The following SGCZ variants were observed in gnomAD, a reference collection of about 807,000 sequenced individuals.
SGCZ encodes the protein sarcoglycan zeta, also known as zeta-sarcoglycan.
A neutral mutation model predicts 41.3 loss-of-function variants in SGCZ; 40 were observed. The observed-to-expected ratio is 0.97, with a 90% CI of 0.75 to 1.26. The LOEUF is 1.26. SGCZ is among the 50% of genes most tolerant of loss of function. The pLI is 0.00. For missense variants in SGCZ, 552 were observed against 369.8 expected, an observed-to-expected ratio of 1.49 and a Z score of -4.04; for synonymous variants, 206 against 137.5, an observed-to-expected ratio of 1.50 and a Z score of -3.49.
At chr8:14,694,939 A>G (rs1443565422) in intron 1 of SGCZ, among the ~76,000 whole-genome samples, 1 of 152,180 alleles carries the variant, frequency 6.6e-6, no homozygotes, top group Non-Finnish European at 1.5e-5. Flanking sequence ...TATAAAATGA[A>G]AAGAAAAAAA....
At chr8:14,624,569 T>A (rs1214638774) in intron 1 of SGCZ, among the ~76,000 whole-genome samples, 2,841 of 123,856 alleles carry the variant, frequency 0.023, 74 homozygotes, top group South Asian at 0.053. Context: ...TTTTTTTTTT[T>A]TTTTTTTTTT....
At chr8:15,165,527 T>C (rs542232730) in intron 1 of SGCZ, among the ~76,000 whole-genome samples, 2 of 152,184 alleles carry the variant, frequency 1.3e-5, no homozygotes, top group African/African-American at 4.8e-5. Context: ...TGGGGACATA[T>C]GGAACTAACT....
At chr8:14,425,458 T>C (rs1272601307) in intron 2 of SGCZ, among the ~76,000 whole-genome samples, 2 of 151,824 alleles carry the variant, frequency 1.3e-5, no homozygotes, top group Non-Finnish European at 2.9e-5. Flanking sequence ...CCATCTCTAC[T>C]AAAAATACAA....
chr8:15,141,819 T>C (rs1808331139), intron 1 of SGCZ, among the ~76,000 whole-genome samples: 1 of 151,616 alleles, frequency 6.6e-6, no homozygotes, highest in African/African-American at 2.4e-5. Context: ...GAGAACCACT[T>C]GAACCCAGGA....
chr8:15,222,131 T>C (rs1453640014), intron 1 of SGCZ, among the ~76,000 whole-genome samples: 2 of 152,238 alleles, frequency 1.3e-5, no homozygotes, highest in African/African-American at 4.8e-5. Context: ...AAGAGGGCTT[T>C]GTAAAAATTA....
At chr8:14,452,975 C>T (rs1457641772) in intron 2 of SGCZ, among the ~76,000 whole-genome samples, 2 of 151,956 alleles carry the variant, frequency 1.3e-5, no homozygotes, top group Non-Finnish European at 2.9e-5. Flanking sequence ...TGATAGCACA[C>T]ACCTGTAATC....
chr8:14,630,304 C>T (rs1319032808), intron 1 of SGCZ, among the ~76,000 whole-genome samples: 1 of 151,812 alleles, frequency 6.6e-6, no homozygotes, highest in Non-Finnish European at 1.5e-5. Flanking sequence ...AAATGCTTGC[C>T]TCTAGTGGGC....
At chr8:14,184,412 T>C (rs938487944) in intron 4 of SGCZ, among the ~76,000 whole-genome samples, 1 of 152,192 alleles carries the variant, frequency 6.6e-6, no homozygotes, top group African/African-American at 2.4e-5. Context: ...AGAGTATTAA[T>C]TATCAATCAA....
At chr8:14,618,864 C>T (rs908003198) in intron 1 of SGCZ, among the ~76,000 whole-genome samples, 1 of 152,056 alleles carries the variant, frequency 6.6e-6, no homozygotes, top group African/African-American at 2.4e-5. Context: ...AAAAAGATAA[C>T]ACCAATATTT....
At chr8:14,315,886 T>C (rs1273417837) in intron 3 of SGCZ, among the ~76,000 whole-genome samples, 4 of 151,042 alleles carry the variant, frequency 2.6e-5, no homozygotes, top group Non-Finnish European at 4.4e-5. Flanking sequence ...TTCAGAATAT[T>C]TAAATAAAAA....
intron 1 of SGCZ, among the ~76,000 whole-genome samples, chr8:15,122,155 C>A (rs956801498): frequency 1.3e-5 from 2 of 150,548 alleles, no homozygotes; most frequent in South Asian, 2.1e-4. Context: ...ATATCATGGA[C>A]ATACTCAACC....
At chr8:14,629,389 T>G (rs1045644196) in intron 1 of SGCZ, among the ~76,000 whole-genome samples, 1 of 152,036 alleles carries the variant, frequency 6.6e-6, no homozygotes, top group Non-Finnish European at 1.5e-5. Context: ...AAATAAAGAA[T>G]AATGAATACA....
intron 1 of SGCZ, among the ~76,000 whole-genome samples, chr8:15,082,284 G>C (rs1466157435): frequency 6.6e-6 from 1 of 151,994 alleles, no homozygotes; most frequent in African/African-American, 2.4e-5. Flanking sequence ...TTATATATTT[G>C]ATAGAGACAA....
chr8:14,444,670 G>A (rs1800379888), intron 2 of SGCZ, among the ~76,000 whole-genome samples: 1 of 138,146 alleles, frequency 7.2e-6, no homozygotes, highest in Non-Finnish European at 1.6e-5. Flanking sequence ...TGTGGGGTGG[G>A]GGGATGGGGG....
chr8:14,306,640 C>T (rs1003732052), intron 3 of SGCZ, among the ~76,000 whole-genome samples: 1 of 152,050 alleles, frequency 6.6e-6, no homozygotes, highest in Admixed American at 6.6e-5. Flanking sequence ...ATCACAGATA[C>T]ATGAGGAAGG....
intron 3 of SGCZ, among the ~76,000 whole-genome samples, chr8:14,258,821 T>C (rs1799553868): frequency 6.6e-6 from 1 of 152,118 alleles, no homozygotes; most frequent in Admixed American, 6.6e-5. Flanking sequence ...TAGAAATAAA[T>C]GAGAAATAGG....
chr8:14,257,074 T>C (rs1427003), intron 3 of SGCZ, among the ~76,000 whole-genome samples: 35,097 of 152,072 alleles, frequency 0.23, 4,663 homozygotes, highest in South Asian at 0.45. Context: ...CTCATGCCTC[T>C]AATCCTAGCA....
At chr8:14,287,544 G>A (rs1800683727) in intron 3 of SGCZ, among the ~76,000 whole-genome samples, 1 of 152,000 alleles carries the variant, frequency 6.6e-6, no homozygotes, top group African/African-American at 2.4e-5. Context: ...CTTTACTAGT[G>A]CAGTGTTAAA....
intron 7 of SGCZ, among the ~76,000 whole-genome samples, chr8:14,092,823 C>T (rs775766040): frequency 7.2e-5 from 11 of 151,868 alleles, no homozygotes; most frequent in East Asian, 1.9e-4. Flanking sequence ...ATGTCTTTGT[C>T]GGCAATGTAA....
Sources: allele counts gnomAD v4.1 joint callset (sites outside exome capture counted in the v4.1 genomes callset), GRCh38; gene constraint gnomAD v4.1.1; transcripts MANE v1.5; gene names NCBI Gene and HGNC (gene_info 2026-07-23, HGNC 2026-07-21).